TRIP12: variants seen among roughly 807,000 people sequenced by gnomAD.
The protein encoded by TRIP12 is E3 ubiquitin-protein ligase TRIP12.
A neutral mutation model predicts 244.2 loss-of-function variants in TRIP12; 25 were observed. The observed-to-expected ratio is 0.10, with a 90% CI of 0.07 to 0.14. TRIP12 has a LOEUF of 0.14. TRIP12 is among the 10% of genes least tolerant of loss of function. The probability of loss-of-function intolerance (pLI) is 1.00; values close to 1 mark genes in which losing one functional copy is unlikely to be tolerated. For missense variants in TRIP12, 1,677 were observed against 2,486.4 expected (o/e 0.67, Z 6.92); for synonymous variants, 905 against 873.1 (o/e 1.04, Z -0.64).
intron 18 of TRIP12, 144 bp from the exon 19 acceptor site, chr2:229,804,371 T>C (rs1006083354): frequency 7.1e-5 from 48 of 671,406 alleles, no homozygotes; most frequent in East Asian, 3.1e-4. Context: ...ACTTCTATGA[T>C]ATGATCAACT....
chr2:229,865,456 T>G (rs1267175557), intron 2 of TRIP12, among the ~76,000 whole-genome samples: 1 of 152,052 alleles, frequency 6.6e-6, no homozygotes, highest in Admixed American at 6.5e-5. Context: ...AATTTAATTT[T>G]TATGCTAGAC....
chr2:229,911,873 GAAAA>G (rs146856057), intron 1 of TRIP12, among the ~76,000 whole-genome samples: 1 of 146,852 alleles, frequency 6.8e-6, no homozygotes, highest in Non-Finnish European at 1.5e-5. Flanking sequence ...GTAATGGCTA[GAAAA>G]AAAAAACCAG....
intron 26 of TRIP12, among the ~76,000 whole-genome samples, chr2:229,793,804 A>T (rs573235457): frequency 1.2e-4 from 19 of 152,074 alleles, no homozygotes. Context: ...ATGGCTTTGT[A>T]TATAGGCCAA....
Position 229,774,141 on chromosome 2 carries a change from T to G in TRIP12, c.5650A>C (p.Lys1884Gln). 1 of 1,614,102 alleles carries G rather than the reference T, an allele frequency of 6.2e-7. No homozygotes were observed. Among genetic ancestry groups the G allele is most frequent in the Non-Finnish European group, 8.5e-7 (1 of 1,179,992 alleles). The stretch of plus-strand genomic sequence containing the variant: ...TTGTGGATAGTGACTGGTATATCCT[T>G]CCCTCCTTTCTTCAGTTCGATATTG... The part of the protein sequence containing the change: ...FPNIELKKGG[K>Q]DIPVTIHNLE... The change falls in exon 38 of 42, where the codon AAG becomes CAG. Residue 1884 changes from lysine (K) to glutamine (Q), a missense_variant. By Grantham distance (53) the Lys-to-Gln change is moderately conservative. This residue lies in a region of TRIP12 where 171 missense variants were observed against 388.4 expected (regional missense o/e 0.44). Coordinates refer to ENST00000675903, the MANE Select transcript of TRIP12 (RefSeq NM_001348323.3).
intron 21 of TRIP12, among the ~76,000 whole-genome samples, chr2:229,801,808 T>C (rs1417591385): frequency 6.6e-6 from 1 of 152,236 alleles, no homozygotes; most frequent in African/African-American, 2.4e-5. Flanking sequence ...GGGGAATCAG[T>C]ATTTTTTGGC....
intron 4 of TRIP12, among the ~76,000 whole-genome samples, chr2:229,847,199 T>C (rs1006106762): frequency 1.3e-5 from 2 of 152,244 alleles, no homozygotes; most frequent in African/African-American, 4.8e-5. Context: ...ATGTAATTTA[T>C]AGTTATTTGA....
intron 1 of TRIP12, among the ~76,000 whole-genome samples, chr2:229,901,820 T>C (rs1477914494): frequency 6.6e-6 from 1 of 151,888 alleles, no homozygotes; most frequent in South Asian, 2.1e-4. Context: ...TAAGAAGAAG[T>C]AGAGACTACA....
chr2:229,922,758 C>T, upstream of TRIP12: 5 of 739,978 alleles, frequency 6.8e-6, no homozygotes, highest in East Asian at 2.8e-5. Flanking sequence ...TCCTCGTCAC[C>T]TCGGCCTCCT....
intron 1 of TRIP12, among the ~76,000 whole-genome samples, chr2:229,896,626 A>T (rs536309255): frequency 1.3e-5 from 2 of 152,322 alleles, no homozygotes; most frequent in African/African-American, 4.8e-5. Context: ...ATAATAAAAT[A>T]ATAATAATAA....
chr2:229,795,801 T>C (rs530992883), intron 25 of TRIP12, among the ~76,000 whole-genome samples: 18 of 152,236 alleles, frequency 1.2e-4, no homozygotes, highest in Admixed American at 2.0e-4. Context: ...ATCTTAAGTA[T>C]GCTGTAAAAC....
In TRIP12 at chr2:229,768,027, GC is replaced by G. The variant is rs200432097; in HGVS notation, c.6008-278del. 6.0e-3 allele frequency among the ~76,000 whole-genome samples: 917 copies of G among 152,278 alleles called. 6 individuals carry two copies. Among genetic ancestry groups the G allele is most frequent in the African/African-American group, 0.021 (862 of 41,562 alleles). Reference sequence around the variant, plus strand: ...GCCCGTAATCCCAGCACTCTGGGAGGCCGAGGTGAGCCAGTCGCTTGAGAGT... The same window carrying G: ...GCCCGTAATCCCAGCACTCTGGGAGGCGAGGTGAGCCAGTCGCTTGAGAGT... On this transcript the variant is annotated intron_variant, in intron 41 of 41. Coordinates refer to ENST00000675903, the MANE Select transcript of TRIP12 (RefSeq NM_001348323.3).
chr2:229,915,176 C>T (rs1178712208), intron 1 of TRIP12, among the ~76,000 whole-genome samples: 1 of 151,960 alleles, frequency 6.6e-6, no homozygotes, highest in South Asian at 2.1e-4. Context: ...TGCTTGAACC[C>T]GGGAGGCAGA....
Position 229,769,303 on chromosome 2 carries a change from C to T in TRIP12, c.5831G>A (p.Ser1944Asn). Residue 1944 changes from serine (S) to asparagine (N), a missense_variant, in exon 40 of 42, where the codon AGT becomes AAT. Transcript: ENST00000675903. ...CTTTGCATCCCAAGTGTCTGCTTTA[C>T]TGCCACAAAGGAGCTGATCCAGCTG... Reference protein sequence around the residue: ...PEELDQLLCGSKADTWDAKTL... With the variant: ...PEELDQLLCGNKADTWDAKTL... 6.2e-7 allele frequency: 1 copy of T among 1,614,060 alleles called. No individual in the cohort carries two copies. The highest frequency in any genetic ancestry group is 8.5e-7 in the Non-Finnish European group (1 of 1,179,982).
intron 1 of TRIP12, among the ~76,000 whole-genome samples, chr2:229,883,567 C>G (rs1391566395): frequency 6.6e-6 from 1 of 152,192 alleles, no homozygotes; most frequent in Non-Finnish European, 1.5e-5. Context: ...CTGAAATACA[C>G]TAGTCTTTTC....
intron 34 of TRIP12, among the ~76,000 whole-genome samples, chr2:229,781,910 T>C (rs189334370): frequency 3.3e-5 from 5 of 152,248 alleles, no homozygotes; most frequent in East Asian, 1.9e-4. Flanking sequence ...GTAAGACCCA[T>C]GAAGGAAGGG....
At chr2:229,832,270 A>T (rs764931503) in intron 6 of TRIP12, among the ~76,000 whole-genome samples, 4 of 152,260 alleles carry the variant, frequency 2.6e-5, no homozygotes, top group Non-Finnish European at 5.9e-5. Flanking sequence ...TTTTATTAGA[A>T]CATAGCTGTA....
intron 1 of TRIP12, among the ~76,000 whole-genome samples, chr2:229,886,198 T>G (rs1400991293): frequency 6.6e-6 from 1 of 152,186 alleles, no homozygotes; most frequent in Non-Finnish European, 1.5e-5. Context: ...AACTCTTAAG[T>G]AGCCATATGT....
At chr2:229,889,611 T>C (rs745418968) in intron 1 of TRIP12, among the ~76,000 whole-genome samples, 2 of 152,208 alleles carry the variant, frequency 1.3e-5, no homozygotes, top group Non-Finnish European at 2.9e-5. Context: ...GTCTTTCTAG[T>C]TACTTCCTCT....
At chr2:229,803,817 T>C in intron 19 of TRIP12, 128 bp from the exon 20 acceptor site, 1 of 889,530 alleles carries the variant, frequency 1.1e-6, no homozygotes, top group Non-Finnish European at 1.7e-6. Flanking sequence ...AACATTTTTC[T>C]TAAATGCTCA....
Sources: gnomAD v4.1 joint callset for allele counts (sites outside exome capture counted in the v4.1 genomes callset) on GRCh38, gnomAD v4.1.1 for gene constraint, gnomAD v4.1.1 regional missense constraint, MANE v1.5 for transcripts, NCBI Gene and HGNC (gene_info 2026-07-23, HGNC 2026-07-21) for gene names.